The following RFFL variants were observed in gnomAD, a reference collection of about 807,000 sequenced individuals.
RFFL encodes the protein ring finger and FYVE like domain containing E3 ubiquitin protein ligase, also known as E3 ubiquitin-protein ligase rififylin.
RFFL carries 16 observed loss-of-function variants against 40.4 expected under a neutral mutation model. The ratio of observed to expected loss-of-function variants is 0.40; its 90% CI spans 0.27 to 0.60. RFFL has a LOEUF of 0.60. RFFL is among the 20% of genes least tolerant of loss of function. The pLI, the probability that RFFL is intolerant of heterozygous loss-of-function variation, is 0.47. For missense variants in RFFL, 367 were observed against 451.7 expected (o/e 0.81, Z 1.70); for synonymous variants, 154 against 167.9 (o/e 0.92, Z 0.64).
intron 3 of RFFL, 82 bp from the exon 4 acceptor site, chr17:35,017,688 T>C: frequency 1.1e-6 from 1 of 906,296 alleles, no homozygotes; most frequent in Non-Finnish European, 1.8e-6. Flanking sequence ...ACTCACACAA[T>C]GTCCAGAATG....
chr17:35,071,940 G>A lies in RFFL; in HGVS notation c.-9+17165C>T, dbSNP rs1055070474. ...GGTGTGACACTAAGTGAAAAATGCCGGGTTCAAGACCAGCCTGGGAAACAC... is the reference window on the plus strand; with the variant it reads ...GGTGTGACACTAAGTGAAAAATGCCAGGTTCAAGACCAGCCTGGGAAACAC... On this transcript the variant is annotated intron_variant, in intron 1 of 6. Transcript: ENST00000315249. 1.7e-4 allele frequency among the ~76,000 whole-genome samples: 26 copies of A among 152,172 alleles called. No homozygotes were observed. The South Asian group carries it at 1.9e-3, about 11-fold the overall frequency.
intron 4 of RFFL, among the ~76,000 whole-genome samples, chr17:35,017,090 G>A (rs1461026985): frequency 6.6e-6 from 1 of 151,984 alleles, no homozygotes; most frequent in South Asian, 2.1e-4. Context: ...ACATTTCCCT[G>A]GCAAGTACTC....
intron 6 of RFFL, among the ~76,000 whole-genome samples, chr17:35,012,963 T>C (rs999469664): frequency 5.9e-5 from 9 of 152,232 alleles, no homozygotes; most frequent in African/African-American, 2.2e-4. Context: ...ATATGGTAGG[T>C]ACTCTAAATG....
chr17:35,038,407 G>A (rs942561762), intron 1 of RFFL, among the ~76,000 whole-genome samples: 6 of 151,922 alleles, frequency 3.9e-5, no homozygotes, highest in South Asian at 4.1e-4. Context: ...ATATACACGC[G>A]CACCCACATC....
intron 1 of RFFL, among the ~76,000 whole-genome samples, chr17:35,052,758 A>T (rs1434294575): frequency 6.6e-6 from 1 of 152,232 alleles, no homozygotes; most frequent in Non-Finnish European, 1.5e-5. Flanking sequence ...AACCAGACAG[A>T]TCTGCTCAGT....
chr17:35,036,217 G>A (rs761523714), intron 1 of RFFL: 1 of 152,072 alleles, frequency 6.6e-6, no homozygotes, highest in Non-Finnish European at 1.5e-5. Context: ...TCCCTAAATA[G>A]ATATACATAC....
chr17:35,075,986 CTTTTT>C (rs35996071), intron 1 of RFFL, among the ~76,000 whole-genome samples: 2 of 80,028 alleles, frequency 2.5e-5, no homozygotes, highest in East Asian at 7.8e-4. Context: ...TCAATTTATT[CTTTTT>C]TTTTTTTTTT....
chr17:35,026,226 T>C, intron 2 of RFFL, 148 bp downstream of exon 2: 1 of 754,684 alleles, frequency 1.3e-6, no homozygotes, highest in Non-Finnish European at 2.1e-6. Context: ...CAGTTAGTTC[T>C]TCTTGAACAT....
At chr17:35,067,193 C>T (rs1333755150), upstream of RFFL, among the ~76,000 whole-genome samples, 1 of 151,584 alleles carries the variant, frequency 6.6e-6, no homozygotes, top group Non-Finnish European at 1.5e-5. Context: ...TCTCAGCTCA[C>T]TGCAACCTCC....
At position 35,011,423 on chromosome 17, in the gene RFFL, A is replaced by G. The variant is rs2090937356; in HGVS notation, c.*545T>C. 6.5e-6 allele frequency: 1 copy of G among 153,374 alleles called. No homozygotes were observed. Among genetic ancestry groups the G allele is most frequent in the African/African-American group, 2.4e-5 (1 of 41,466 alleles). 9.5% of individuals were successfully genotyped at this position (153,374 alleles called of 1,614,324 possible). ...TGGTCTAAAATCTGTCCTAAGGACC[A>G]CTATCGGTCTGGTAAACTAACATTT... On this transcript the variant is annotated 3_prime_UTR_variant, in exon 7 of 7. Coordinates refer to ENST00000394597, the MANE Select transcript of RFFL (RefSeq NM_001017368.2).
At chr17:35,078,855 C>T (rs940513342) in intron 1 of RFFL, among the ~76,000 whole-genome samples, 4 of 152,006 alleles carry the variant, frequency 2.6e-5, no homozygotes, top group African/African-American at 9.7e-5. Context: ...TGGCACACGC[C>T]TGTGGTCCCA....
At chr17:35,020,937 A>G (rs1015560094) in intron 3 of RFFL, among the ~76,000 whole-genome samples, 2 of 152,160 alleles carry the variant, frequency 1.3e-5, no homozygotes, top group Non-Finnish European at 2.9e-5. Flanking sequence ...CCTTGCCTCC[A>G]TATAGCCCTT....
Position 35,017,626 on chromosome 17 carries a change from A to T in RFFL, c.592-20T>A, listed in dbSNP as rs1359202695. On this transcript the variant is annotated intron_variant, in intron 3 of 6. Transcript: ENST00000394597. ...ATTGGCCTGTGGGAAGAGAAAAGTA[A>T]CATCACATCTAGAGATGTCCCAGAG... is the stretch of plus-strand genomic sequence containing the variant. 1 of 1,534,444 alleles carries T rather than the reference A, an allele frequency of 6.5e-7. No individual in the cohort carries two copies.
At chr17:35,044,819 A>AC (rs1269160963) in intron 1 of RFFL, among the ~76,000 whole-genome samples, 1 of 151,772 alleles carries the variant, frequency 6.6e-6, no homozygotes. Flanking sequence ...CACCTCCCTT[A>AC]CATATCATTT....
chr17:35,088,592 G>A (rs1597849607), intron 1 of RFFL: 1 of 152,500 alleles, frequency 6.6e-6, no homozygotes, highest in East Asian at 1.9e-4. Flanking sequence ...TCCCAAGCGA[G>A]GGAACAGTGG....
At chr17:35,051,029 C>A (rs1287805139) in intron 1 of RFFL, among the ~76,000 whole-genome samples, 2 of 152,098 alleles carry the variant, frequency 1.3e-5, no homozygotes, top group Non-Finnish European at 2.9e-5. Flanking sequence ...TAAAATTTCC[C>A]ATTGTTATTT....
At chr17:35,047,086 T>C (rs1009275006) in intron 1 of RFFL, among the ~76,000 whole-genome samples, 3 of 152,230 alleles carry the variant, frequency 2.0e-5, no homozygotes, top group African/African-American at 7.2e-5. Context: ...ACTACTCTGG[T>C]GCAGGAAAGA....
intron 1 of RFFL, chr17:35,036,431 C>T (rs1597823671): frequency 6.6e-6 from 1 of 152,192 alleles, no homozygotes; most frequent in East Asian, 1.9e-4. Context: ...AAAAGACAGA[C>T]TTGGCAATTT....
Position 35,011,606 on chromosome 17 carries a change from T to C in RFFL, c.*362A>G, listed in dbSNP as rs2090938674. 1 of 209,050 alleles carries C rather than the reference T, an allele frequency of 4.8e-6. No individual in the cohort carries two copies. Among genetic ancestry groups the C allele is most frequent in the African/African-American group, 2.3e-5 (1 of 43,710 alleles). The allele number at this position is 209,050 out of a possible 1,614,324, so 12.9% of individuals were successfully genotyped here. On this transcript the variant is annotated 3_prime_UTR_variant, in exon 7 of 7. Transcript: ENST00000394597. ...AACACATGGGCAAGCATCTCCCATATGGGGTGGGGATGGGTTGGGTACAGG... is the reference window on the plus strand; with the variant it reads ...AACACATGGGCAAGCATCTCCCATACGGGGTGGGGATGGGTTGGGTACAGG...
Sources: allele counts gnomAD v4.1 joint callset (sites outside exome capture counted in the v4.1 genomes callset), GRCh38; gene constraint gnomAD v4.1.1; transcripts MANE v1.5; gene names NCBI Gene and HGNC (gene_info 2026-07-23, HGNC 2026-07-21).